Variants in CCND3 observed in about 807,000 individuals in gnomAD.
The protein encoded by CCND3 is cyclin D3.
CCND3 carries 9 observed loss-of-function variants against 28.7 expected under a neutral mutation model. The ratio of observed to expected loss-of-function variants is 0.31; its 90% CI spans 0.19 to 0.55. The LOEUF (loss-of-function observed/expected upper bound fraction) is 0.55, where lower values mean the gene tolerates loss of function less well. CCND3 is among the 20% of genes least tolerant of loss of function. The pLI is 0.93. For synonymous variants in CCND3, 164 were observed against 163.9 expected (o/e 1.00, Z 0.00); for missense variants, 315 against 385.8 (o/e 0.82, Z 1.54).
At chr6:41,991,328 G>A (rs954931116) in intron 1 of CCND3, among the ~76,000 whole-genome samples, 1 of 152,176 alleles carries the variant, frequency 6.6e-6, no homozygotes. Flanking sequence ...CAAAGTGCTG[G>A]GATTATAGGC....
upstream of CCND3, among the ~76,000 whole-genome samples, chr6:41,943,145 A>G (rs1776085131): frequency 6.6e-6 from 1 of 152,088 alleles, no homozygotes; most frequent in Non-Finnish European, 1.5e-5. Flanking sequence ...TACAGGCGTG[A>G]GCCACCGTTC....
At chr6:41,962,192 C>T (rs1166934666) in intron 1 of CCND3, among the ~76,000 whole-genome samples, 2 of 152,090 alleles carry the variant, frequency 1.3e-5, no homozygotes, top group African/African-American at 4.8e-5. Context: ...CCTCCGCCTC[C>T]CAGGTTCAAG....
intron 1 of CCND3, among the ~76,000 whole-genome samples, chr6:42,024,444 GGT>G (rs1382135810): frequency 4.6e-5 from 7 of 151,736 alleles, no homozygotes; most frequent in Admixed American, 6.6e-5. Context: ...TAACACAGCT[GGT>G]GTGTGGAAGA....
chr6:41,967,083 G>T (rs1017198589), intron 1 of CCND3, among the ~76,000 whole-genome samples: 6 of 152,160 alleles, frequency 3.9e-5, no homozygotes, highest in Non-Finnish European at 7.4e-5. Context: ...TGAATGACAT[G>T]AAAGGAAATT....
chr6:41,944,126 T>C (rs1314904993), upstream of CCND3, among the ~76,000 whole-genome samples: 1 of 151,098 alleles, frequency 6.6e-6, no homozygotes, highest in Admixed American at 6.6e-5. Flanking sequence ...AAGCTAGGAG[T>C]TGAAGACCAG....
chr6:41,990,739 T>G (rs1395234540), intron 1 of CCND3, among the ~76,000 whole-genome samples: 2 of 141,136 alleles, frequency 1.4e-5, no homozygotes, highest in African/African-American at 5.4e-5. Flanking sequence ...AGTGGCAAAG[T>G]GGCAAAATCT....
rs1454209581 is a variant in CCND3 at position 41,935,500 on chromosome 6, TATC to T, written c.*437_*439del. On this transcript the variant is annotated 3_prime_UTR_variant, in exon 5 of 5. Coordinates refer to ENST00000372991, the MANE Select transcript of CCND3 (RefSeq NM_001760.5). ...TAGACTATTCCCCCTCATATGTGTC[TATC>T]ATGCATTAAATTTTAGAGGGACCCC... is the stretch of plus-strand genomic sequence containing the variant. 1 of 307,270 alleles carries T rather than the reference TATC, an allele frequency of 3.3e-6. No homozygotes were observed. Among genetic ancestry groups the T allele is most frequent in the Non-Finnish European group, 6.1e-6 (1 of 164,612 alleles). 19.0% of individuals were successfully genotyped at this position (307,270 alleles called of 1,614,324 possible).
At chr6:41,946,683 C>G (rs1387409183), upstream of CCND3, among the ~76,000 whole-genome samples, 1 of 148,890 alleles carries the variant, frequency 6.7e-6, no homozygotes, top group South Asian at 2.2e-4. Flanking sequence ...GGAGCTATCT[C>G]GGTGCTTACA....
chr6:41,999,545 TATA>T (rs1360087130), intron 1 of CCND3, among the ~76,000 whole-genome samples: 3 of 152,164 alleles, frequency 2.0e-5, no homozygotes, highest in Non-Finnish European at 4.4e-5. Context: ...ATTTGTTTCC[TATA>T]ATAATATAAT....
chr6:41,951,541 GACACAC>G (rs1268678641), intron 1 of CCND3, among the ~76,000 whole-genome samples: 12 of 78,050 alleles, frequency 1.5e-4, no homozygotes, highest in African/African-American at 3.5e-4. Flanking sequence ...CAGCCTGAGC[GACACAC>G]ACACACACAC....
intron 1 of CCND3, among the ~76,000 whole-genome samples, chr6:42,026,413 CT>C (rs1347853947): frequency 6.6e-6 from 1 of 152,132 alleles, no homozygotes; most frequent in Non-Finnish European, 1.5e-5. Flanking sequence ...GAATCAGACC[CT>C]CCACCTTTGA....
intron 1 of CCND3, among the ~76,000 whole-genome samples, chr6:42,036,405 T>A (rs9394854): frequency 1.3e-3 from 59 of 46,416 alleles, no homozygotes; most frequent in African/African-American, 3.8e-3. Flanking sequence ...ATATATATAT[T>A]TTTTTTTTTT....
Position 41,997,913 on chromosome 6 carries a change from G to A in CCND3, c.-46+50588C>T, listed in dbSNP as rs542120361. Among the ~76,000 whole-genome samples, 98 of 151,788 alleles carry A rather than the reference G, an allele frequency of 6.5e-4. 3 individuals carry two copies. In the South Asian group the frequency reaches 0.014, roughly 22 times the overall value. ...TCCCAGCACTTTGGGAGGCTGAGGCGGGTGGATCACCTGAGGTCAGGAGTT... is the reference window on the plus strand; with the variant it reads ...TCCCAGCACTTTGGGAGGCTGAGGCAGGTGGATCACCTGAGGTCAGGAGTT... On this transcript the variant is annotated intron_variant, in intron 1 of 4. Coordinates refer to the CCND3 transcript ENST00000372988.
At chr6:41,997,745 G>T (rs1762851690) in intron 1 of CCND3, among the ~76,000 whole-genome samples, 1 of 152,006 alleles carries the variant, frequency 6.6e-6, no homozygotes, top group South Asian at 2.1e-4. Context: ...TATGGCATGA[G>T]AATCTGGCTG....
chr6:42,027,161 C>T (rs114590903), intron 1 of CCND3, among the ~76,000 whole-genome samples: 2,711 of 152,258 alleles, frequency 0.018, 84 homozygotes, highest in African/African-American at 0.06. Flanking sequence ...ACCACTAGGC[C>T]GGGCGCGGTG....
At chr6:41,946,352 G>A (rs900574823), upstream of CCND3, among the ~76,000 whole-genome samples, 1 of 151,216 alleles carries the variant, frequency 6.6e-6, no homozygotes, top group African/African-American at 2.4e-5. Flanking sequence ...ATCCTAGCAC[G>A]TTGGGAGGCA....
chr6:41,976,336 A>G (rs987733039), intron 1 of CCND3, among the ~76,000 whole-genome samples: 1 of 151,596 alleles, frequency 6.6e-6, no homozygotes, highest in African/African-American at 2.4e-5. Flanking sequence ...TGGGCGACAG[A>G]GCAAGACTCT....
intron 1 of CCND3, among the ~76,000 whole-genome samples, chr6:41,950,487 C>T (rs936776311): frequency 2.0e-5 from 3 of 152,046 alleles, no homozygotes. Flanking sequence ...TTCTCATTTG[C>T]AAAAGGAGGA....
intron 1 of CCND3, among the ~76,000 whole-genome samples, chr6:41,990,934 G>GCCGC (rs1428330982): frequency 2.6e-5 from 4 of 151,998 alleles, no homozygotes; most frequent in Non-Finnish European, 5.9e-5. Context: ...GCCCACCTCA[G>GCCGC]CCGCCCAAAG....
Sources: allele counts gnomAD v4.1 joint callset (sites outside exome capture counted in the v4.1 genomes callset), GRCh38; gene constraint gnomAD v4.1.1; transcripts MANE v1.5; gene names NCBI Gene and HGNC (gene_info 2026-07-23, HGNC 2026-07-21).